IL19: variants seen among roughly 807,000 people sequenced by gnomAD.
IL19 encodes the protein interleukin-19.
A neutral mutation model predicts 19.5 loss-of-function variants in IL19; 15 were observed. That is an observed-to-expected ratio of 0.77 (90% CI 0.52 to 1.19). The LOEUF is 1.19. Among genes scored for constraint, IL19 ranks in the 50% most tolerant of loss-of-function variants. The pLI is 0.00. For synonymous variants in IL19, 78 were observed against 78.3 expected (o/e 1.00, Z 0.02); for missense variants, 199 against 213.1 (o/e 0.93, Z 0.41).
chr1:206,833,035 G>A (rs1480439481), intron 2 of IL19, among the ~76,000 whole-genome samples: 1 of 152,180 alleles, frequency 6.6e-6, no homozygotes, highest in African/African-American at 2.4e-5. Flanking sequence ...CTCATCCCAA[G>A]GTCACTTCAT....
chr1:206,794,262 G>T (rs1440305957), intron 1 of IL19, among the ~76,000 whole-genome samples: 2 of 152,150 alleles, frequency 1.3e-5, no homozygotes, highest in African/African-American at 2.4e-5. Context: ...CTTATTGGGA[G>T]GATAAAATGA....
intron 2 of IL19, among the ~76,000 whole-genome samples, chr1:206,804,633 G>T (rs1268606301): frequency 6.6e-6 from 1 of 152,192 alleles, no homozygotes; most frequent in Non-Finnish European, 1.5e-5. Flanking sequence ...GGGTTTAAAA[G>T]TGTTTCTGAC....
chr1:206,793,812 G>C (rs185135629), intron 1 of IL19, among the ~76,000 whole-genome samples: 2 of 152,332 alleles, frequency 1.3e-5, no homozygotes, highest in East Asian at 3.9e-4. Context: ...CACCTCGGTG[G>C]CTTCCTTAAC....
chr1:206,841,407 G>A (rs905258144), intron 6 of IL19, among the ~76,000 whole-genome samples: 1 of 152,178 alleles, frequency 6.6e-6, no homozygotes, highest in African/African-American at 2.4e-5. Flanking sequence ...GAGCTGTTAC[G>A]CCTGAAACGT....
chr1:206,840,170 T>TC lies in IL19; in HGVS notation c.363+172dup, dbSNP rs772240036. 5 of 775,210 alleles carry TC rather than the reference T, an allele frequency of 6.4e-6. No individual in the cohort carries two copies. In the South Asian group the frequency reaches 7.2e-5, roughly 11 times the overall value. 48.0% of individuals were successfully genotyped at this position (775,210 alleles called of 1,614,324 possible). ...AGAACCTCTCCCAGTGGCCACTGCT[T>TC]CCCCAGGGCTCCCTGCCTGCTGACA... On this transcript the variant is annotated intron_variant, in intron 5 of 6. Transcript: ENST00000659997.
In IL19 at chr1:206,770,878, G is replaced by A; in HGVS notation, c.-349G>A. ...AGGAGATGGTATTTTGGGGGCAGCT[G>A]CAAGGGAAAAAACTGATCTGCTACT... is the stretch of plus-strand genomic sequence containing the variant. On this transcript the variant is annotated 5_prime_UTR_variant, in exon 1 of 7. Transcript: ENST00000659997. 6.2e-7 allele frequency: 1 copy of A among 1,611,624 alleles called. No homozygotes were observed. The highest frequency in any genetic ancestry group is 8.5e-7 in the Non-Finnish European group (1 of 1,177,702).
At chr1:206,776,261 T>A (rs1182913169) in intron 1 of IL19, among the ~76,000 whole-genome samples, 2 of 152,166 alleles carry the variant, frequency 1.3e-5, no homozygotes, top group African/African-American at 4.8e-5. Flanking sequence ...GCATTCTTGT[T>A]CTCCTAACCT....
intron 2 of IL19, among the ~76,000 whole-genome samples, chr1:206,815,925 A>G (rs1477415662): frequency 6.6e-6 from 1 of 152,146 alleles, no homozygotes; most frequent in Non-Finnish European, 1.5e-5. Flanking sequence ...TTCCTTCGAC[A>G]TTTTTTCATT....
At position 206,814,655 on chromosome 1, in the gene IL19, C is replaced by T. The variant is rs147223036; in HGVS notation, c.-3+15649C>T. On this transcript the variant is annotated intron_variant, in intron 2 of 6. Transcript: ENST00000659997. Reference sequence around the variant, plus strand: ...GTTGTAGTGAATCGAGACTGTGCCACTGCACTCCAGCCTGGGCAACAGAGT... The same window carrying T: ...GTTGTAGTGAATCGAGACTGTGCCATTGCACTCCAGCCTGGGCAACAGAGT... Among the ~76,000 whole-genome samples the T allele has an allele frequency of 3.7e-4, 56 of 151,160 alleles. No homozygotes were observed. In the East Asian group the frequency reaches 9.3e-3, roughly 25 times the overall value.
chr1:206,828,400 T>A (rs1389557434), intron 2 of IL19, among the ~76,000 whole-genome samples: 1 of 152,170 alleles, frequency 6.6e-6, no homozygotes, highest in Non-Finnish European at 1.5e-5. Context: ...AGGACAGGGG[T>A]TCCTCCTCCT....
chr1:206,781,761 T>C (rs1043968024), intron 1 of IL19, among the ~76,000 whole-genome samples: 3 of 151,322 alleles, frequency 2.0e-5, no homozygotes, highest in African/African-American at 7.3e-5. Flanking sequence ...CTAAGTCAGC[T>C]GTTGGCGAAC....
intron 1 of IL19, among the ~76,000 whole-genome samples, chr1:206,784,530 G>A (rs908196451): frequency 6.6e-6 from 1 of 152,094 alleles, no homozygotes; most frequent in Admixed American, 6.6e-5. Context: ...TTTCCTTCTC[G>A]CAATCCTGGC....
intron 1 of IL19, 59 bp from the exon 2 acceptor site, chr1:206,798,802 G>C (rs938877433): frequency 4.0e-5 from 37 of 924,312 alleles, no homozygotes; most frequent in Middle Eastern, 6.7e-4. Flanking sequence ...AAAGCCACCA[G>C]AAGGAGGGAG....
rs145095779 is a variant in IL19 at position 206,812,932 on chromosome 1, A to G, written c.-3+13926A>G. 3.8e-3 allele frequency among the ~76,000 whole-genome samples: 574 copies of G among 152,310 alleles called. 7 individuals are homozygous for G. The highest frequency in any genetic ancestry group is 0.013 in the African/African-American group (551 of 41,570). On this transcript the variant is annotated intron_variant, in intron 2 of 6. Transcript: ENST00000659997. ...TCAGATGGGACTGTGACTGAATTTG[A>G]GAAGTAATTCAAACGGATACAATGA...
chr1:206,799,112 T>A, intron 2 of IL19, 106 bp downstream of exon 2: 2 of 784,240 alleles, frequency 2.6e-6, no homozygotes, highest in Non-Finnish European at 2.2e-6. Context: ...CAGACACCTA[T>A]GAACTGACAG....
At chr1:206,798,698 C>A (rs1675593708) in intron 1 of IL19, among the ~76,000 whole-genome samples, 163 bp from the exon 2 acceptor site, 1 of 151,950 alleles carries the variant, frequency 6.6e-6, no homozygotes. Context: ...CTCTCCCACA[C>A]AATACAGGCC....
At chr1:206,815,291 C>A (rs1676126454) in intron 2 of IL19, among the ~76,000 whole-genome samples, 2 of 152,100 alleles carry the variant, frequency 1.3e-5, no homozygotes, top group Admixed American at 1.3e-4. Context: ...TGCATTCTAT[C>A]AGTTAAGTGG....
At position 206,839,991 on chromosome 1, in the gene IL19, C is replaced by G. The variant is rs764580326; in HGVS notation, c.352C>G (p.Leu118Val). 4.9e-5 allele frequency: 79 copies of G among 1,614,098 alleles called. No individual in the cohort carries two copies. The highest frequency in any genetic ancestry group is 6.4e-5 in the Non-Finnish European group (75 of 1,180,048). The change falls in exon 5 of 7, where the codon CTG (leucine) becomes GTG (valine). Residue 118 changes from leucine to valine, a missense_variant. Coordinates refer to ENST00000659997, the MANE Select transcript of IL19 (RefSeq NM_153758.5). ...CTCTTTCCTCTACATGCAGAAAACT[C>G]TGCGGCAATGTGTGAGTCACTGGGT... ...ANSFLYMQKTLRQCQEQRQCH... is the reference protein window; with the variant it reads ...ANSFLYMQKTVRQCQEQRQCH...
intron 1 of IL19, among the ~76,000 whole-genome samples, chr1:206,797,790 G>A (rs981440388): frequency 1.8e-4 from 27 of 152,206 alleles, no homozygotes; most frequent in Admixed American, 7.9e-4. Flanking sequence ...GTCTGGAGAA[G>A]GTGTCGTGGT....
Sources: allele counts gnomAD v4.1 joint callset (sites outside exome capture counted in the v4.1 genomes callset), GRCh38; gene constraint gnomAD v4.1.1; transcripts MANE v1.5; gene names NCBI Gene and HGNC (gene_info 2026-07-23, HGNC 2026-07-21).